The following DSP variants were observed in gnomAD, a reference collection of about 807,000 sequenced individuals.
DSP encodes desmoplakin, also known as 250/210 kDa paraneoplastic pemphigus antigen.
In DSP, 114 loss-of-function variants were observed where a neutral mutation model predicts 290.6. The ratio of observed to expected loss-of-function variants is 0.39; its 90% CI spans 0.34 to 0.46. The LOEUF (loss-of-function observed/expected upper bound fraction) is 0.46. Among genes scored for constraint, DSP ranks in the 20% least tolerant of loss-of-function variants. The probability of loss-of-function intolerance (pLI) is 0.99; values close to 1 mark genes in which losing one functional copy is unlikely to be tolerated. For missense variants in DSP, 3,230 were observed against 3,495.8 expected (o/e 0.92, Z 1.92); for synonymous variants, 1,311 against 1,316.4 (o/e 1.00, Z 0.09).
Position 7,582,909 on chromosome 6 carries a change from T to C in DSP, c.5647T>C (p.Ser1883Pro), listed in dbSNP as rs1056652234. 1.2e-6 allele frequency: 2 copies of C among 1,613,458 alleles called. No homozygotes were observed. The highest frequency in any genetic ancestry group is 1.7e-5 in the Admixed American group (1 of 59,952). Residue 1883 changes from serine to proline, a missense_variant, in exon 24 of 24, where the codon TCG (serine) becomes CCG (proline). Physicochemically the swap from Ser to Pro is moderately conservative, Grantham distance 74. This residue lies in a region of DSP where 1,714 missense variants were observed against 1,844.5 expected (regional missense o/e 0.93). Coordinates refer to ENST00000379802, the MANE Select transcript of DSP (RefSeq NM_004415.4). The surrounding 1 kb of genome is among the most constrained non-coding windows in gnomAD (Gnocchi z 4.2). ...GGAGGAGGCTATTAGGAAGATAGAA[T>C]CGGAAAGAGAAAAGAGTGAGAGAGA... is the stretch of plus-strand genomic sequence containing the variant. Reference protein sequence around the residue: ...RKEEAIRKIESEREKSEREKN... With the variant: ...RKEEAIRKIEPEREKSEREKN...
At position 7,565,279 on chromosome 6, in the gene DSP, A is replaced by G; in HGVS notation, c.778-80A>G. ...GTGATTTTTTTTTTAAAGGGACCAC[A>G]GGTTTAATCTTTAAACCTGCAGAGA... On this transcript the variant is annotated intron_variant, in intron 6 of 23. Coordinates refer to ENST00000379802, the MANE Select transcript of DSP (RefSeq NM_004415.4). The surrounding 1 kb of genome is among the most constrained non-coding windows in gnomAD (Gnocchi z 4.2). 1 of 1,566,742 alleles carries G rather than the reference A, an allele frequency of 6.4e-7. No homozygotes were observed. The highest frequency in any genetic ancestry group is 8.7e-7 in the Non-Finnish European group (1 of 1,143,452).
chr6:7,583,646 G>A lies in DSP; in HGVS notation c.6384G>A (p.Gln2128=), dbSNP rs748155733. The A allele has an allele frequency of 1.2e-6, 2 of 1,614,122 alleles. No individual in the cohort carries two copies. Among genetic ancestry groups the A allele is most frequent in the Non-Finnish European group, 1.7e-6 (2 of 1,180,028 alleles). The change falls in exon 24 of 24, where the codon CAG becomes CAA. Residue 2128 remains glutamine (Q), a synonymous_variant. Coordinates refer to ENST00000379802, the MANE Select transcript of DSP (RefSeq NM_004415.4). This position sits in a 1 kb window ranked among gnomAD's most constrained non-coding sequence, Gnocchi z 4.0. ...CCGGAATGCGCCTGCTGGAAGCCCA[G>A]ATTGCTTCAGGGGGTGTAGTAGACC... The part of the protein sequence containing the change: ...RETGMRLLEA[Q]IASGGVVDPV...
intron 10 of DSP, 92 bp from the exon 11 acceptor site, chr6:7,568,345 T>C: frequency 2.2e-6 from 3 of 1,381,054 alleles, no homozygotes; most frequent in Non-Finnish European, 3.1e-6. Flanking sequence ...TGATACTCAG[T>C]GTGTCATGTA....
intron 7 of DSP, 128 bp from the exon 8 acceptor site, chr6:7,566,248 CA>C (rs1758860461): frequency 1.3e-6 from 1 of 770,610 alleles, no homozygotes; most frequent in South Asian, 1.5e-5. Flanking sequence ...TTGAGGAAAA[CA>C]GCGTGATTCT....
In DSP at chr6:7,554,104, C is replaced by CACACACACACACACACACAA. The variant is rs1554105418; in HGVS notation, c.171-1595_171-1594insAACACACACACACACACACA. 5.3e-5 allele frequency among the ~76,000 whole-genome samples: 8 copies of CACACACACACACACACACAA among 150,858 alleles called. No homozygotes were observed. The East Asian group carries it at 1.4e-3, about 26-fold the overall frequency. On this transcript the variant is annotated intron_variant, in intron 1 of 23. Transcript: ENST00000379802. ...TAAAACACACACACACACACACACA[C>CACACACACACACACACACAA]ACACACACACACACACACACACCCA...
chr6:7,553,834 T>G (rs1318689931), intron 1 of DSP, among the ~76,000 whole-genome samples: 1 of 152,164 alleles, frequency 6.6e-6, no homozygotes, highest in Non-Finnish European at 1.5e-5. Flanking sequence ...TGTCTTCTTC[T>G]GGGAGTAGTT....
In DSP at chr6:7,563,730, T is replaced by G; in HGVS notation, c.727-6T>G. On this transcript the variant is annotated splice_polypyrimidine_tract_variant and splice_region_variant and intron_variant, in intron 5 of 23. Coordinates refer to ENST00000379802, the MANE Select transcript of DSP (RefSeq NM_004415.4). ...TTATATCTACCTGCTTTTTGTTGTC[T>G]TCTAGCGCGAGAAATCTGCGATCTA... is the stretch of plus-strand genomic sequence containing the variant. 6.2e-7 allele frequency: 1 copy of G among 1,612,984 alleles called. No homozygotes were observed. The highest frequency in any genetic ancestry group is 1.7e-5 in the Admixed American group (1 of 60,030).
intron 4 of DSP, among the ~76,000 whole-genome samples, chr6:7,560,673 C>T (rs1758655283): frequency 6.6e-6 from 1 of 152,170 alleles, no homozygotes; most frequent in African/African-American, 2.4e-5. Context: ...GGGTGGCCAG[C>T]TCCTGTGGAG....
rs1759149630 is a variant in DSP at position 7,574,101 on chromosome 6, T to C, written c.2146T>C (p.Ser716Pro). Residue 716 changes from serine (S) to proline (P), a missense_variant, in exon 16 of 24, where the codon TCA becomes CCA. By Grantham distance (74) the Ser-to-Pro change is moderately conservative. This residue lies in a region of DSP where 1,714 missense variants were observed against 1,844.5 expected (regional missense o/e 0.93). Transcript: ENST00000379802. ...TTTTTGACAGAGTGTGCAGAATGAT[T>C]CACAAGCAATTGCTGAGGTTCTCAA... ...INELKSVQND[S>P]QAIAEVLNQL... 2 of 1,613,988 alleles carry C rather than the reference T, an allele frequency of 1.2e-6. No individual in the cohort carries two copies.
chr6:7,574,665 C>T lies in DSP; in HGVS notation c.2306C>T (p.Thr769Ile), dbSNP rs1321447670. Reference protein sequence around the residue: ...VTDGYLNSLCTVRALLQAILQ... With the variant: ...VTDGYLNSLCIVRALLQAILQ... ...TCTTTTGCTCTTTCCAGCTTATGCACAGTAAGGGCACTGCTCCAGGCTATT... is the reference window on the plus strand; with the variant it reads ...TCTTTTGCTCTTTCCAGCTTATGCATAGTAAGGGCACTGCTCCAGGCTATT... The change falls in exon 17 of 24, where the codon ACA (threonine) becomes ATA (isoleucine). Residue 769 changes from threonine to isoleucine, a missense_variant. Thr to Ile is a moderately conservative substitution (Grantham distance 89). This residue lies in a region of DSP where 1,714 missense variants were observed against 1,844.5 expected (regional missense o/e 0.93). Transcript: ENST00000379802. The T allele has an allele frequency of 2.5e-6, 4 of 1,614,044 alleles. No individual in the cohort carries two copies. The South Asian group carries it at 4.4e-5, about 18-fold the overall frequency.
chr6:7,560,215 T>C (rs1436986983), intron 4 of DSP, among the ~76,000 whole-genome samples: 4 of 152,198 alleles, frequency 2.6e-5, no homozygotes, highest in African/African-American at 9.6e-5. Flanking sequence ...GCAATTTAGA[T>C]GTGGTTGTAA....
chr6:7,576,921 A>G lies in DSP; in HGVS notation c.2794-38A>G, dbSNP rs1206029917. ...ATCACATTTATTTAAAAATATTTGT[A>G]TGCATTAACATTGGTAAATATTTCA... On this transcript the variant is annotated intron_variant, in intron 19 of 23. Transcript: ENST00000379802. The G allele has an allele frequency of 3.3e-6, 5 of 1,496,296 alleles. No homozygotes were observed. The African/African-American group carries it at 5.5e-5, about 17-fold the overall frequency. 92.7% of individuals were successfully genotyped at this position (1,496,296 alleles called of 1,614,324 possible).
chr6:7,548,196 G>C (rs1758223745), intron 1 of DSP, among the ~76,000 whole-genome samples: 1 of 152,034 alleles, frequency 6.6e-6, no homozygotes, highest in South Asian at 2.1e-4. Context: ...GAACCCGGGA[G>C]GCAGAGGTTG....
In DSP at chr6:7,559,297, G is replaced by C. The variant is rs2113659759; in HGVS notation, c.494G>C (p.Ser165Thr). The part of the protein sequence containing the change: ...AISVPRVRRA[S>T]SKGGGGYTCQ... ...AGTGTCCCTCGAGTCCGCAGGGCCA[G>C]CTCCAAGGGTGGTGGAGGCTACACT... The change falls in exon 4 of 24, where the codon AGC becomes ACC. Residue 165 changes from serine (S) to threonine (T), a missense_variant. Ser to Thr is a moderately conservative substitution (Grantham distance 58, BLOSUM62 1). Around this residue, in one of 5 missense-constraint regions of DSP, gnomAD observed 646 missense variants for 684.3 expected, o/e 0.94. Coordinates refer to ENST00000379802, the MANE Select transcript of DSP (RefSeq NM_004415.4). The C allele has an allele frequency of 1.9e-6, 3 of 1,614,010 alleles. No individual in the cohort carries two copies. The East Asian group carries it at 6.7e-5, about 36-fold the overall frequency.
intron 5 of DSP, 42 bp from the exon 6 acceptor site, chr6:7,563,694 C>T (rs1187347338): frequency 6.4e-7 from 1 of 1,554,550 alleles, no homozygotes; most frequent in Non-Finnish European, 8.9e-7. Context: ...CTATACAATC[C>T]ACAAGGGGAT....
rs1759051384 is a variant in DSP, at chr6:7,571,510, C to T, written c.1829C>T (p.Ser610Phe). ...GATGATGACAAGCGGAAAATACAGT[C>T]TCAGTTCACCGATGCCCAGAAGCAT... is the stretch of plus-strand genomic sequence containing the variant. ...FGDDDKRKIQ[S>F]QFTDAQKHYQ... Residue 610 changes from serine to phenylalanine, a missense_variant, in exon 14 of 24, where the codon TCT becomes TTT. Physicochemically the swap from Ser to Phe is radical, Grantham distance 155 (BLOSUM62 -2). Around this residue, in one of 5 missense-constraint regions of DSP, gnomAD observed 81 missense variants for 130.5 expected, o/e 0.62. Transcript: ENST00000379802. The T allele has an allele frequency of 1.2e-6, 2 of 1,614,212 alleles. No homozygotes were observed. The highest frequency in any genetic ancestry group is 4.5e-5 in the East Asian group (2 of 44,880).
intron 1 of DSP, among the ~76,000 whole-genome samples, chr6:7,542,974 C>A (rs957000350): frequency 6.6e-6 from 1 of 152,186 alleles, no homozygotes; most frequent in African/African-American, 2.4e-5. Flanking sequence ...TGGGGGCCCG[C>A]CCTGGCCTAG....
chr6:7,575,584 GT>G lies in DSP; in HGVS notation c.2630+100del, dbSNP rs1759215415. ...AAGGGAACCACTGAAGAAAACAGAG[GT>G]TTTGTTTTTTGTGTAAGTTAGGCGT... On this transcript the variant is annotated intron_variant, in intron 18 of 23. Transcript: ENST00000379802. The G allele has an allele frequency of 2.0e-6, 3 of 1,502,846 alleles. No homozygotes were observed. In the East Asian group the frequency reaches 7.0e-5, roughly 35 times the overall value. The allele number at this position is 1,502,846 out of a possible 1,614,324, so 93.1% of individuals were successfully genotyped here.
At chr6:7,572,751 C>T (rs537008807) in intron 15 of DSP, among the ~76,000 whole-genome samples, 13 of 152,126 alleles carry the variant, frequency 8.5e-5, no homozygotes, top group South Asian at 4.1e-4. Flanking sequence ...GCTTAATGAC[C>T]GGGGCACATT....
Sources: allele counts gnomAD v4.1 joint callset (sites outside exome capture counted in the v4.1 genomes callset), GRCh38; gene constraint gnomAD v4.1.1; regional missense constraint gnomAD v4.1.1; non-coding constraint Gnocchi (gnomAD v3.1); transcripts MANE v1.5; gene names NCBI Gene and HGNC (gene_info 2026-07-23, HGNC 2026-07-21).